SEC16A: variants seen among roughly 807,000 people sequenced by gnomAD.
SEC16A encodes SEC16 homolog A, endoplasmic reticulum export factor, also known as protein transport protein Sec16A.
A neutral mutation model predicts 221.9 loss-of-function variants in SEC16A; 110 were observed. The ratio of observed to expected loss-of-function variants is 0.50; its 90% CI spans 0.42 to 0.58. SEC16A has a LOEUF of 0.58. Among genes scored for constraint, SEC16A ranks in the 20% least tolerant of loss-of-function variants. The probability of loss-of-function intolerance (pLI) is 0.00; values close to 1 mark genes in which losing one functional copy is unlikely to be tolerated. For synonymous variants in SEC16A, 1,393 were observed against 1,257.7 expected, an observed-to-expected ratio of 1.11 and a Z score of -2.28; for missense variants, 3,165 against 3,097.8, an observed-to-expected ratio of 1.02 and a Z score of -0.52.
rs1839822002 is a variant in SEC16A at position 136,463,888 on chromosome 9, A to G, written c.4447-148T>C. On this transcript the variant is annotated intron_variant, in intron 9 of 31. Coordinates refer to ENST00000684901, the MANE Select transcript of SEC16A (RefSeq NM_014866.2). ...CCCACAGCAGGTGAAGGCTCTGTCG[A>G]GGCTGTTACATGGAACATGGCCTGT... The G allele has an allele frequency of 3.8e-6, 3 of 789,250 alleles. No homozygotes were observed. In the Admixed American group the frequency reaches 6.2e-5, roughly 16 times the overall value. The allele number at this position is 789,250 out of a possible 1,614,324, so 48.9% of individuals were successfully genotyped here.
chr9:136,443,784 CGT>C, intron 31 of SEC16A, 37 bp downstream of exon 31: 1 of 1,515,382 alleles, frequency 6.6e-7, no homozygotes, highest in Non-Finnish European at 9.1e-7. Context: ...CGTCAGTGGG[CGT>C]GTTAGGGTCT....
chr9:136,462,179 G>C (rs1839572958), intron 12 of SEC16A, among the ~76,000 whole-genome samples: 1 of 152,114 alleles, frequency 6.6e-6, no homozygotes, highest in African/African-American at 2.4e-5. Flanking sequence ...GATATAAAAG[G>C]ACAGAAAACT....
In SEC16A at chr9:136,477,419, G is replaced by A. The variant is rs757733601; in HGVS notation, c.197C>T (p.Pro66Leu). 3 of 1,614,032 alleles carry A rather than the reference G, an allele frequency of 1.9e-6. No individual in the cohort carries two copies. The highest frequency in any genetic ancestry group is 2.2e-5 in the East Asian group (1 of 44,880). ...AFSRQALQST[P>L]LGSSSKSSPP... ...ACTGCTTTTGGACGAACTGCCCAGT[G>A]GTGTACTTTGGAGCGCCTGTCTACT... Residue 66 changes from proline (P) to leucine (L), a missense_variant, in exon 3 of 32, where the codon CCA becomes CTA. Coordinates refer to ENST00000684901, the MANE Select transcript of SEC16A (RefSeq NM_014866.2).
In SEC16A at chr9:136,443,892, G is replaced by A. The variant is rs755304723; in HGVS notation, c.6936C>T (p.Gly2312=). 36 of 1,608,800 alleles carry A rather than the reference G, an allele frequency of 2.2e-5. No homozygotes were observed. Among genetic ancestry groups the A allele is most frequent in the Non-Finnish European group, 2.8e-5 (33 of 1,177,912 alleles). The part of the protein sequence containing the change: ...EVSQHFNQAP[G]DLPAAGGPPS... ...GAGGGCCCCCTGCAGCAGGGAGGTC[G>A]CCAGGAGCCTGAGAAGCACAGAGAA... Residue 2312 remains glycine, a synonymous_variant, in exon 31 of 32, where the codon GGC becomes GGT. Coordinates refer to ENST00000684901, the MANE Select transcript of SEC16A (RefSeq NM_014866.2).
At chr9:136,467,453 C>T (rs1442139467) in intron 5 of SEC16A, among the ~76,000 whole-genome samples, 1 of 152,220 alleles carries the variant, frequency 6.6e-6, no homozygotes, top group Non-Finnish European at 1.5e-5. Context: ...GCTTCTCCCA[C>T]ACCTCAGCCT....
chr9:136,441,853 CATGCCTGCCCCCAG>C (rs1664615765), intron 31 of SEC16A, 30 bp from the exon 32 acceptor site: 3 of 1,601,358 alleles, frequency 1.9e-6, no homozygotes, highest in African/African-American at 2.7e-5. Flanking sequence ...ATGACCTCTG[CATGCCTGCCCCCAG>C]GGTGAGCAGT....
At chr9:136,451,644 C>G (rs1206197155) in intron 22 of SEC16A, among the ~76,000 whole-genome samples, 1 of 152,164 alleles carries the variant, frequency 6.6e-6, no homozygotes, top group Non-Finnish European at 1.5e-5. Context: ...TAAGCAGCTC[C>G]GTCTGGGAGC....
rs1841372001 is a variant in SEC16A at position 136,474,600 on chromosome 9, C to T, written c.3016G>A (p.Val1006Ile). 6.2e-7 allele frequency: 1 copy of T among 1,612,914 alleles called. No homozygotes were observed. The highest frequency in any genetic ancestry group is 8.5e-7 in the Non-Finnish European group (1 of 1,179,756). Residue 1006 changes from valine to isoleucine, a missense_variant, in exon 3 of 32, where the codon GTA (valine) becomes ATA (isoleucine). Physicochemically the swap from Val to Ile is conservative, Grantham distance 29. Around this residue, in one of 3 missense-constraint regions of SEC16A, gnomAD observed 2,030 missense variants for 1,923.1 expected, o/e 1.06. Coordinates refer to ENST00000684901, the MANE Select transcript of SEC16A (RefSeq NM_014866.2). ...GAATGGGACGGGTTGTACACGTTTA[C>T]AGGATTTTCCAAAGTCCTGCTTAAG... ...FTLSRTLENP[V>I]NVYNPSHSDS...
intron 17 of SEC16A, 116 bp from the exon 18 acceptor site, chr9:136,457,700 G>T: frequency 1.5e-6 from 2 of 1,312,180 alleles, no homozygotes; most frequent in Non-Finnish European, 2.1e-6. Context: ...CCTGTGAGCT[G>T]TGAACTCTTC....
intron 18 of SEC16A, among the ~76,000 whole-genome samples, chr9:136,456,862 A>G (rs1349678632): frequency 6.6e-6 from 1 of 152,172 alleles, no homozygotes; most frequent in South Asian, 2.1e-4. Context: ...ACCAGACTAA[A>G]TTGCCTCAAA....
At position 136,481,527 on chromosome 9, in the gene SEC16A, C is replaced by T. The variant is rs117719170; in HGVS notation, c.-192+1411G>A. Among the ~76,000 whole-genome samples, 47 of 152,294 alleles carry T rather than the reference C, an allele frequency of 3.1e-4. 1 individual carries two copies. The East Asian group carries it at 8.3e-3, about 27-fold the overall frequency. ...ATCTTGAAAATGCAGTATTCATAAA[C>T]CTAGCTAGTCAGTTAAACTGCCTTG... On this transcript the variant is annotated intron_variant, in intron 1 of 31. Transcript: ENST00000684901.
Position 136,447,264 on chromosome 9 carries a change from T to A in SEC16A, c.6660A>T (p.Pro2220=). 1.3e-6 allele frequency: 2 copies of A among 1,596,478 alleles called. No homozygotes were observed. The highest frequency in any genetic ancestry group is 1.7e-6 in the Non-Finnish European group (2 of 1,172,326). The change falls in exon 27 of 32, where the codon CCA becomes CCT. Residue 2220 remains proline (P), a synonymous_variant. Coordinates refer to ENST00000684901, the MANE Select transcript of SEC16A (RefSeq NM_014866.2). The surrounding 1 kb of genome is among the most constrained non-coding windows in gnomAD (Gnocchi z 5.5). The part of the protein sequence containing the change: ...APADFVAPLA[P]LPIPSNLFVP... ...CGAACAAGTTAGAAGGAATTGGGAGTGGCGCGAGTGGAGCGACAAAGTCCG... is the reference window on the plus strand; with the variant it reads ...CGAACAAGTTAGAAGGAATTGGGAGAGGCGCGAGTGGAGCGACAAAGTCCG...
chr9:136,481,453 T>G (rs1655218088), intron 1 of SEC16A, among the ~76,000 whole-genome samples: 1 of 152,218 alleles, frequency 6.6e-6, no homozygotes, highest in Admixed American at 6.5e-5. Flanking sequence ...AATTTTATTC[T>G]GTAACCTCAA....
At chr9:136,445,006 G>A (rs1381819223) in intron 30 of SEC16A, 46 bp downstream of exon 30, 5 of 1,551,854 alleles carry the variant, frequency 3.2e-6, no homozygotes, top group Middle Eastern at 1.7e-4. Context: ...AACACAGGCG[G>A]CACACGCCAG....
rs776051456 is a variant in SEC16A, at chr9:136,459,168, A to G, written c.5375T>C (p.Leu1792Pro). The G allele has an allele frequency of 7.4e-6, 12 of 1,613,022 alleles. No homozygotes were observed. The South Asian group carries it at 1.3e-4, about 18-fold the overall frequency. ...RTEAYEYAQS[L>P]GAETCPLPSF... Reference sequence around the variant, plus strand: ...AGGCAGGGGGCAGGTCTCGGCACCCAGGGACTGGGCGTACTCATAGGCTTC... The same window carrying G: ...AGGCAGGGGGCAGGTCTCGGCACCCGGGGACTGGGCGTACTCATAGGCTTC... Residue 1792 changes from leucine to proline, a missense_variant, in exon 17 of 32, where the codon CTG (leucine) becomes CCG (proline). Physicochemically the swap from Leu to Pro is moderately conservative, Grantham distance 98. Coordinates refer to ENST00000684901, the MANE Select transcript of SEC16A (RefSeq NM_014866.2). This position sits in a 1 kb window ranked among gnomAD's most constrained non-coding sequence, Gnocchi z 6.1.
chr9:136,461,407 A>G (rs375745129), intron 12 of SEC16A, 133 bp from the exon 13 acceptor site: 2 of 678,626 alleles, frequency 2.9e-6, no homozygotes, highest in South Asian at 1.6e-5. Flanking sequence ...ACACTTATTC[A>G]CCATTTGGAG....
intron 2 of SEC16A, among the ~76,000 whole-genome samples, chr9:136,478,420 A>T (rs1044501781): frequency 4.6e-5 from 7 of 151,616 alleles, no homozygotes; most frequent in Admixed American, 4.6e-4. Context: ...AAAAAAAAAA[A>T]GGAAAACTTT....
chr9:136,452,449 CAAAAAAAAAAAAAAA>C (rs752510860), intron 22 of SEC16A, among the ~76,000 whole-genome samples: 26 of 23,292 alleles, frequency 1.1e-3, no homozygotes, highest in Admixed American at 0.01. Context: ...AACTCCATCT[CAAAAAAAAAAAAAAA>C]AAAAAAAAAA....
upstream of SEC16A, chr9:136,483,514 T>C: frequency 1.0e-6 from 1 of 980,580 alleles, no homozygotes; most frequent in Non-Finnish European, 1.2e-6. Context: ...CCTCACCGCT[T>C]GGCCCCGCCC....
Sources: allele counts gnomAD v4.1 joint callset (sites outside exome capture counted in the v4.1 genomes callset), GRCh38; gene constraint gnomAD v4.1.1; regional missense constraint gnomAD v4.1.1; non-coding constraint Gnocchi (gnomAD v3.1); transcripts MANE v1.5; gene names NCBI Gene and HGNC (gene_info 2026-07-23, HGNC 2026-07-21).